Variants in ENOX1 observed in about 807,000 individuals in gnomAD.
The protein encoded by ENOX1 is candidate growth-related and time keeping constitutive hydroquinone (NADH) oxidase.
A neutral mutation model predicts 82.5 loss-of-function variants in ENOX1; 42 were observed. The observed-to-expected ratio is 0.51, with a 90% CI of 0.40 to 0.66. The LOEUF (loss-of-function observed/expected upper bound fraction) is 0.66. Among genes scored for constraint, ENOX1 ranks in the 30% least tolerant of loss-of-function variants. The pLI is 0.00. For synonymous variants in ENOX1, 271 were observed against 282.2 expected (o/e 0.96, Z 0.40); for missense variants, 608 against 811.6 (o/e 0.75, Z 3.05).
intron 3 of ENOX1, among the ~76,000 whole-genome samples, chr13:43,417,928 G>A (rs1056694629): frequency 4.6e-5 from 7 of 152,142 alleles, no homozygotes; most frequent in Admixed American, 2.6e-4. Context: ...TATGAGGTAG[G>A]CCAGGTGCGG....
At chr13:43,471,246 T>C (rs947281502) in intron 3 of ENOX1, among the ~76,000 whole-genome samples, 6 of 152,076 alleles carry the variant, frequency 3.9e-5, no homozygotes, top group African/African-American at 1.2e-4. Flanking sequence ...GTTCCATTTA[T>C]ATAAAGCCCT....
chr13:43,740,224 A>C (rs1268645348), intron 1 of ENOX1, among the ~76,000 whole-genome samples: 1 of 152,188 alleles, frequency 6.6e-6, no homozygotes, highest in Non-Finnish European at 1.5e-5. Context: ...TAAATGAGAC[A>C]AAAGGTAGTA....
At chr13:43,739,123 A>G (rs549696812) in intron 1 of ENOX1, among the ~76,000 whole-genome samples, 1 of 152,304 alleles carries the variant, frequency 6.6e-6, no homozygotes, top group East Asian at 1.9e-4. Flanking sequence ...TAACAATCTT[A>G]CACTAAGTCA....
At chr13:43,432,456 T>C (rs1416856319) in intron 3 of ENOX1, among the ~76,000 whole-genome samples, 3 of 151,794 alleles carry the variant, frequency 2.0e-5, no homozygotes, top group Admixed American at 6.6e-5. Flanking sequence ...CTGGCCAACA[T>C]GGTGAAACCC....
chr13:43,667,617 T>G, intron 1 of ENOX1, 73 bp from the exon 2 acceptor site: 1 of 421,602 alleles, frequency 2.4e-6, no homozygotes, highest in Non-Finnish European at 3.2e-6. Flanking sequence ...AACATATATA[T>G]GTAAGCAGAT....
intron 2 of ENOX1, among the ~76,000 whole-genome samples, chr13:43,527,564 T>TA (rs1203423125): frequency 6.6e-6 from 1 of 152,172 alleles, no homozygotes; most frequent in Non-Finnish European, 1.5e-5. Context: ...TAGAGTTCAT[T>TA]ACATAGCTAA....
rs2153788826 is a variant in ENOX1 at position 43,667,508 on chromosome 13, A to G, written c.-248T>C. 1.0e-6 allele frequency: 1 copy of G among 985,532 alleles called. No individual in the cohort carries two copies. Among genetic ancestry groups the G allele is most frequent in the Non-Finnish European group, 1.2e-6 (1 of 829,876 alleles). 61.0% of individuals were successfully genotyped at this position (985,532 alleles called of 1,614,324 possible). On this transcript the variant is annotated 5_prime_UTR_variant, in exon 2 of 17. The change abolishes an upstream ATG in the 5' untranslated region. Coordinates refer to ENST00000690772, the MANE Select transcript of ENOX1 (RefSeq NM_001347969.2). ...GCATGGTGAGCTCTCTCTCCTCCACATATTATAAATACGACATCATGCTGG... is the reference window on the plus strand; with the variant it reads ...GCATGGTGAGCTCTCTCTCCTCCACGTATTATAAATACGACATCATGCTGG...
At chr13:43,626,471 C>T (rs1211088951) in intron 2 of ENOX1, among the ~76,000 whole-genome samples, 1 of 151,832 alleles carries the variant, frequency 6.6e-6, no homozygotes, top group Non-Finnish European at 1.5e-5. Flanking sequence ...CCTCTCATCA[C>T]TGCTTTATCT....
intron 5 of ENOX1, among the ~76,000 whole-genome samples, chr13:43,373,894 C>G (rs1056882610): frequency 2.0e-5 from 3 of 152,206 alleles, no homozygotes; most frequent in African/African-American, 7.2e-5. Flanking sequence ...CTTGGAGGAG[C>G]ATTCCTTAAT....
intron 10 of ENOX1, among the ~76,000 whole-genome samples, chr13:43,325,817 C>T (rs1230654061): frequency 6.6e-6 from 1 of 152,112 alleles, no homozygotes; most frequent in Non-Finnish European, 1.5e-5. Context: ...TTTGGTCCTT[C>T]TAAGTGGCAA....
chr13:43,472,588 C>A (rs555667579), intron 3 of ENOX1, among the ~76,000 whole-genome samples: 39 of 152,212 alleles, frequency 2.6e-4, no homozygotes, highest in African/African-American at 8.9e-4. Context: ...GCCTTGGAGA[C>A]GAAGCATAAA....
At chr13:43,427,390 T>C (rs2055378347) in intron 3 of ENOX1, among the ~76,000 whole-genome samples, 1 of 152,200 alleles carries the variant, frequency 6.6e-6, no homozygotes, top group Non-Finnish European at 1.5e-5. Context: ...GGCTATTCCT[T>C]TGGATTTTTA....
chr13:43,515,265 G>A (rs1477532875), intron 2 of ENOX1, among the ~76,000 whole-genome samples: 4 of 152,122 alleles, frequency 2.6e-5, no homozygotes, highest in Non-Finnish European at 5.9e-5. Context: ...TTTTTAAAAT[G>A]CACGTTCCTG....
At chr13:43,239,829 T>C (rs1246416311) in intron 14 of ENOX1, among the ~76,000 whole-genome samples, 2 of 152,246 alleles carry the variant, frequency 1.3e-5, no homozygotes, top group Non-Finnish European at 2.9e-5. Context: ...TTTTACCTTT[T>C]CCAATTATTA....
intron 1 of ENOX1, 94 bp from the exon 2 acceptor site, chr13:43,667,638 G>GC (rs1273421590): frequency 1.5e-4 from 46 of 300,526 alleles, no homozygotes; most frequent in African/African-American, 1.0e-3. Flanking sequence ...GCAAGGTTTC[G>GC]CCTGCAAAGT....
At chr13:43,670,768 A>C (rs1405889006) in intron 1 of ENOX1, among the ~76,000 whole-genome samples, 1 of 152,056 alleles carries the variant, frequency 6.6e-6, no homozygotes, top group Non-Finnish European at 1.5e-5. Context: ...GCTTGAGCCC[A>C]GGAAGTGGAG....
chr13:43,594,245 G>A, intron 2 of ENOX1, among the ~76,000 whole-genome samples: 1 of 139,778 alleles, frequency 7.2e-6, no homozygotes, highest in East Asian at 2.2e-4. Flanking sequence ...AGTTACTTCT[G>A]TCTACAAACC....
At position 43,718,038 on chromosome 13, in the gene ENOX1, C is replaced by A. The variant is rs544131430; in HGVS notation, c.-284-50494G>T. Among the ~76,000 whole-genome samples the A allele has an allele frequency of 3.3e-5, 5 of 152,274 alleles. No individual in the cohort carries two copies. In the South Asian group the frequency reaches 1.0e-3, roughly 32 times the overall value. The stretch of plus-strand genomic sequence containing the variant: ...CTAGCAACTCACTACTGGGTATATA[C>A]CCAAAAGAAAATAATCCATTCTATC... On this transcript the variant is annotated intron_variant, in intron 1 of 16. Coordinates refer to ENST00000690772, the MANE Select transcript of ENOX1 (RefSeq NM_001347969.2).
intron 2 of ENOX1, among the ~76,000 whole-genome samples, chr13:43,534,247 G>A (rs932859603): frequency 6.6e-5 from 10 of 152,198 alleles, no homozygotes; most frequent in African/African-American, 2.4e-4. Context: ...CTGGGCCTAG[G>A]ATAACTGCAC....
Sources: allele counts gnomAD v4.1 joint callset (sites outside exome capture counted in the v4.1 genomes callset), GRCh38; gene constraint gnomAD v4.1.1; transcripts MANE v1.5; gene names NCBI Gene and HGNC (gene_info 2026-07-23, HGNC 2026-07-21).